GABRB1: variants seen among roughly 807,000 people sequenced by gnomAD.
The protein encoded by GABRB1 is gamma-aminobutyric acid type A receptor subunit beta1.
Under a neutral mutation model 51.6 loss-of-function variants are expected in GABRB1, and 17 were observed. The observed-to-expected ratio is 0.33, with a 90% CI of 0.23 to 0.49. GABRB1 has a LOEUF of 0.49. Among genes scored for constraint, GABRB1 ranks in the 20% least tolerant of loss-of-function variants. The pLI, the probability that GABRB1 is intolerant of heterozygous loss-of-function variation, is 0.99. For synonymous variants in GABRB1, 247 were observed against 218.9 expected, an observed-to-expected ratio of 1.13 and a Z score of -1.14; for missense variants, 410 against 600.6, an observed-to-expected ratio of 0.68 and a Z score of 3.32.
At chr4:47,172,075 A>T (rs1394436314) in intron 4 of GABRB1, among the ~76,000 whole-genome samples, 1 of 152,058 alleles carries the variant, frequency 6.6e-6, no homozygotes, top group Non-Finnish European at 1.5e-5. Context: ...GCACTATAAC[A>T]CTCTAGATAT....
intron 4 of GABRB1, among the ~76,000 whole-genome samples, chr4:47,183,786 C>T (rs1403250649): frequency 2.0e-5 from 3 of 151,820 alleles, no homozygotes; most frequent in Non-Finnish European, 2.9e-5. Flanking sequence ...CTTTTCGGTT[C>T]TATTCCACTT....
chr4:47,332,309 C>T lies in GABRB1; in HGVS notation c.544+12100C>T, dbSNP rs554987768. Among the ~76,000 whole-genome samples the T allele has an allele frequency of 6.6e-5, 10 of 152,266 alleles. No homozygotes were observed. The South Asian group carries it at 1.7e-3, about 25-fold the overall frequency. On this transcript the variant is annotated intron_variant, in intron 5 of 8. Transcript: ENST00000295454. ...GGTGCTGGGCCTGACAACAATGGTG[C>T]TACAGTTTCAAAGTCCATTTATTAT...
intron 5 of GABRB1, among the ~76,000 whole-genome samples, chr4:47,386,993 A>AG (rs1727818523): frequency 6.6e-6 from 1 of 152,256 alleles, no homozygotes; most frequent in South Asian, 2.1e-4. Flanking sequence ...GTCACCCCAC[A>AG]AAGTGCTGAT....
chr4:47,211,238 T>TG (rs1158579924), intron 4 of GABRB1, among the ~76,000 whole-genome samples: 2 of 152,300 alleles, frequency 1.3e-5, no homozygotes, highest in South Asian at 2.1e-4. Flanking sequence ...GTAGCTTAGC[T>TG]GTTCATTCCA....
chr4:47,327,490 T>A (rs1385131927), intron 5 of GABRB1, among the ~76,000 whole-genome samples: 1 of 152,222 alleles, frequency 6.6e-6, no homozygotes, highest in Non-Finnish European at 1.5e-5. Context: ...AACTATGAAT[T>A]TTTTTGTTGT....
At chr4:47,028,567 A>T (rs1725173035), upstream of GABRB1, among the ~76,000 whole-genome samples, 1 of 151,674 alleles carries the variant, frequency 6.6e-6, no homozygotes, top group South Asian at 2.1e-4. Context: ...TTTGTAAAAT[A>T]TTTCAAATAT....
chr4:47,047,834 GT>G (rs1726164243), intron 3 of GABRB1, among the ~76,000 whole-genome samples: 1 of 152,086 alleles, frequency 6.6e-6, no homozygotes. Context: ...TAATGGATTT[GT>G]CCTCCCTCTG....
intron 3 of GABRB1, among the ~76,000 whole-genome samples, chr4:47,112,656 G>A (rs1252504181): frequency 1.3e-5 from 2 of 152,006 alleles, no homozygotes; most frequent in Non-Finnish European, 2.9e-5. Context: ...TCTGAGTTAT[G>A]TACCCAATAT....
At chr4:47,006,731 A>G (rs1294543854) in intron 1 of GABRB1, among the ~76,000 whole-genome samples, 4 of 152,252 alleles carry the variant, frequency 2.6e-5, no homozygotes, top group Admixed American at 6.5e-5. Flanking sequence ...TCTAACAGGA[A>G]CAAGTGAGAT....
Position 47,423,368 on chromosome 4 carries a change from G to A in GABRB1, c.1081-2306G>A, listed in dbSNP as rs151295148. ...CCCTCCTTAGACATCTGCTCTCTGAGGCCCCATAGGCATCACCATTCCCTA... is the reference window on the plus strand; with the variant it reads ...CCCTCCTTAGACATCTGCTCTCTGAAGCCCCATAGGCATCACCATTCCCTA... On this transcript the variant is annotated intron_variant, in intron 8 of 8. Transcript: ENST00000295454. Among the ~76,000 whole-genome samples the A allele has an allele frequency of 6.6e-5, 10 of 152,292 alleles. No individual in the cohort carries two copies. The East Asian group carries it at 1.5e-3, about 23-fold the overall frequency.
chr4:47,286,959 T>C (rs1257781176), intron 4 of GABRB1, among the ~76,000 whole-genome samples: 1 of 152,136 alleles, frequency 6.6e-6, no homozygotes, highest in Non-Finnish European at 1.5e-5. Flanking sequence ...CTCTTCCCAA[T>C]AAATACAAGT....
chr4:47,383,520 G>T (rs1488965320), intron 5 of GABRB1, among the ~76,000 whole-genome samples: 1 of 151,944 alleles, frequency 6.6e-6, no homozygotes, highest in East Asian at 1.9e-4. Context: ...AGGCAAATAA[G>T]TTAATAAAAA....
chr4:47,045,735 A>T (rs899362959), intron 3 of GABRB1, among the ~76,000 whole-genome samples: 5 of 151,974 alleles, frequency 3.3e-5, no homozygotes, highest in African/African-American at 1.2e-4. Flanking sequence ...TGCCCCCACA[A>T]CCTAATAACC....
At chr4:47,291,062 C>G (rs1406857934) in intron 4 of GABRB1, among the ~76,000 whole-genome samples, 1 of 152,192 alleles carries the variant, frequency 6.6e-6, no homozygotes, top group Non-Finnish European at 1.5e-5. Flanking sequence ...TTCATGGCAG[C>G]CCCTCCCATC....
chr4:47,017,431 T>G (rs1724783260), intron 1 of GABRB1, among the ~76,000 whole-genome samples: 1 of 152,188 alleles, frequency 6.6e-6, no homozygotes, highest in Admixed American at 6.5e-5. Context: ...GTATATATCA[T>G]TTAACTTAAA....
intron 4 of GABRB1, among the ~76,000 whole-genome samples, chr4:47,223,766 G>C (rs894961459): frequency 5.3e-5 from 8 of 151,974 alleles, no homozygotes; most frequent in Non-Finnish European, 8.8e-5. Flanking sequence ...CATATGTTTA[G>C]ACTATGACAT....
intron 3 of GABRB1, among the ~76,000 whole-genome samples, chr4:47,154,263 T>TC (rs1560561417): frequency 2.0e-5 from 3 of 150,308 alleles, no homozygotes; most frequent in African/African-American, 7.3e-5. Flanking sequence ...GGTTGTTTTT[T>TC]TTTTTTTTTC....
intron 5 of GABRB1, among the ~76,000 whole-genome samples, chr4:47,342,137 GTT>G (rs1257029636): frequency 6.6e-6 from 1 of 152,022 alleles, no homozygotes; most frequent in African/African-American, 2.4e-5. Flanking sequence ...GTGCAGAAAA[GTT>G]TTTTTGTTAT....
intron 4 of GABRB1, among the ~76,000 whole-genome samples, chr4:47,184,579 G>T (rs563815615): frequency 6.6e-6 from 1 of 151,808 alleles, no homozygotes; most frequent in African/African-American, 2.4e-5. Flanking sequence ...AGTCCTTTTT[G>T]CAAGTTAATT....
Sources: gnomAD v4.1 joint callset for allele counts (sites outside exome capture counted in the v4.1 genomes callset) on GRCh38, gnomAD v4.1.1 for gene constraint, MANE v1.5 for transcripts, NCBI Gene and HGNC (gene_info 2026-07-23, HGNC 2026-07-21) for gene names.